RBFOX1: variants seen among roughly 807,000 people sequenced by gnomAD.
RBFOX1 encodes RNA binding protein fox-1 homolog 1.
A neutral mutation model predicts 57.7 loss-of-function variants in RBFOX1; 8 were observed. That is an observed-to-expected ratio of 0.14 (90% CI 0.08 to 0.25). The LOEUF is 0.25. RBFOX1 is among the 10% of genes least tolerant of loss of function. The probability of loss-of-function intolerance (pLI) is 1.00; values close to 1 mark genes in which losing one functional copy is unlikely to be tolerated. For missense variants in RBFOX1, 611 were observed against 548.5 expected, an observed-to-expected ratio of 1.11 and a Z score of -1.14; for synonymous variants, 326 against 222.4, an observed-to-expected ratio of 1.47 and a Z score of -4.15.
chr16:6,568,402 C>T (rs1376850166), intron 2 of RBFOX1, among the ~76,000 whole-genome samples: 2 of 152,080 alleles, frequency 1.3e-5, no homozygotes, highest in South Asian at 4.1e-4. Context: ...GGATGGCTCT[C>T]TACCAAATTG....
intron 3 of RBFOX1, among the ~76,000 whole-genome samples, chr16:6,968,648 C>A (rs75677469): frequency 2.6e-5 from 4 of 152,062 alleles, no homozygotes; most frequent in Non-Finnish European, 4.4e-5. Flanking sequence ...TGCCACCATC[C>A]CACAGGACTC....
At chr16:6,881,238 T>A (rs190379345) in intron 3 of RBFOX1, among the ~76,000 whole-genome samples, 178 of 152,278 alleles carry the variant, frequency 1.2e-3, no homozygotes, top group Middle Eastern at 3.4e-3. Flanking sequence ...GAATTAGATA[T>A]AAGGTTCCCA....
intron 4 of RBFOX1, among the ~76,000 whole-genome samples, chr16:7,164,025 G>A (rs1437182716): frequency 6.6e-6 from 1 of 152,124 alleles, no homozygotes; most frequent in Non-Finnish European, 1.5e-5. Flanking sequence ...ACACGAATAA[G>A]TTCTTTAGTG....
chr16:6,116,671 C>T (rs529584326), intron 1 of RBFOX1, among the ~76,000 whole-genome samples: 15 of 152,262 alleles, frequency 9.9e-5, no homozygotes, highest in Admixed American at 6.5e-4. Flanking sequence ...CTGTTATGTG[C>T]GACAGCATCT....
At chr16:6,107,960 A>G (rs184030443) in intron 1 of RBFOX1, among the ~76,000 whole-genome samples, 72 of 152,282 alleles carry the variant, frequency 4.7e-4, no homozygotes, top group African/African-American at 1.7e-3. Context: ...TGCCTTATCA[A>G]TTAAGATTAG....
chr16:7,443,671 C>G (rs1234189266), intron 4 of RBFOX1, among the ~76,000 whole-genome samples: 1 of 152,126 alleles, frequency 6.6e-6, no homozygotes, highest in Non-Finnish European at 1.5e-5. Flanking sequence ...TAGATGTAGA[C>G]TTCTGTATAT....
At chr16:6,371,104 A>G (rs1036530878) in intron 2 of RBFOX1, among the ~76,000 whole-genome samples, 3 of 152,232 alleles carry the variant, frequency 2.0e-5, no homozygotes, top group Non-Finnish European at 1.5e-5. Context: ...TGATATTAAC[A>G]TCAGTCCTTT....
At chr16:5,448,353 G>A (rs1567525330) in intron 1 of RBFOX1, among the ~76,000 whole-genome samples, 1 of 151,812 alleles carries the variant, frequency 6.6e-6, no homozygotes, top group Non-Finnish European at 1.5e-5. Context: ...GTGTTCCAGA[G>A]GCAAAAAAAC....
intron 4 of RBFOX1, among the ~76,000 whole-genome samples, chr16:7,361,527 G>C (rs1348714560): frequency 1.3e-5 from 2 of 152,188 alleles, no homozygotes; most frequent in African/African-American, 4.8e-5. Flanking sequence ...GGTTAGACCA[G>C]GTGAGTCCGA....
chr16:6,567,808 A>C (rs1567712052), intron 2 of RBFOX1, among the ~76,000 whole-genome samples: 1 of 152,112 alleles, frequency 6.6e-6, no homozygotes, highest in South Asian at 2.1e-4. Flanking sequence ...AAACCCCACT[A>C]TTTTTTTAAA....
chr16:7,693,932 TAGAG>T (rs1253650056), intron 14 of RBFOX1, among the ~76,000 whole-genome samples: 3 of 152,188 alleles, frequency 2.0e-5, no homozygotes, highest in Admixed American at 6.5e-5. Context: ...TAGCAGGACT[TAGAG>T]AGACCAGGTC....
At chr16:6,224,971 A>G (rs1047415777) in intron 1 of RBFOX1, among the ~76,000 whole-genome samples, 2 of 145,556 alleles carry the variant, frequency 1.4e-5, no homozygotes, top group Non-Finnish European at 3.0e-5. Flanking sequence ...GTGAGCCAAG[A>G]TTGTGCCATT....
At chr16:6,523,006 A>G (rs1307748574) in intron 2 of RBFOX1, among the ~76,000 whole-genome samples, 1 of 152,192 alleles carries the variant, frequency 6.6e-6, no homozygotes, top group East Asian at 1.9e-4. Context: ...TCAAAGAACC[A>G]TTGTCCATCC....
chr16:5,999,504 T>TAAG (rs1199865573), intron 4 of RBFOX1, among the ~76,000 whole-genome samples: 4 of 152,144 alleles, frequency 2.6e-5, no homozygotes, highest in African/African-American at 9.7e-5. Flanking sequence ...ACTTACATGC[T>TAAG]AAGGCTTTAT....
intron 3 of RBFOX1, among the ~76,000 whole-genome samples, chr16:6,958,413 C>T (rs1047151419): frequency 6.6e-6 from 1 of 152,024 alleles, no homozygotes; most frequent in African/African-American, 2.4e-5. Flanking sequence ...TTTTTATGAT[C>T]GGGTATCATT....
At chr16:6,434,434 C>T (rs2063649686) in intron 2 of RBFOX1, among the ~76,000 whole-genome samples, 1 of 152,118 alleles carries the variant, frequency 6.6e-6, no homozygotes, top group Admixed American at 6.6e-5. Context: ...GCCCATCCCA[C>T]AGTTTTTCCC....
chr16:5,509,409 A>G (rs547478282), intron 2 of RBFOX1, among the ~76,000 whole-genome samples: 35 of 152,280 alleles, frequency 2.3e-4, no homozygotes, highest in Admixed American at 1.5e-3. Flanking sequence ...ATGAACTGTA[A>G]ATTTCCCAAG....
intron 4 of RBFOX1, among the ~76,000 whole-genome samples, chr16:7,113,262 C>A (rs780047903): frequency 1.9e-4 from 29 of 152,124 alleles, no homozygotes; most frequent in Non-Finnish European, 3.4e-4. Flanking sequence ...AAGAGTGTAC[C>A]TCTGAGTCAT....
At chr16:7,508,731 A>G (rs1458079736) in intron 4 of RBFOX1, among the ~76,000 whole-genome samples, 1 of 152,152 alleles carries the variant, frequency 6.6e-6, no homozygotes, top group Non-Finnish European at 1.5e-5. Context: ...AGAACCTGCA[A>G]AACAGACAAG....
Sources: allele counts gnomAD v4.1 joint callset (sites outside exome capture counted in the v4.1 genomes callset), GRCh38; gene constraint gnomAD v4.1.1; transcripts MANE v1.5; gene names NCBI Gene and HGNC (gene_info 2026-07-23, HGNC 2026-07-21).